The following BIN2 variants were observed in gnomAD, a reference collection of about 807,000 sequenced individuals.
The protein encoded by BIN2 is bridging integrator 2.
A neutral mutation model predicts 67.9 loss-of-function variants in BIN2; 43 were observed. The ratio of observed to expected loss-of-function variants is 0.63; its 90% CI spans 0.50 to 0.82. The LOEUF (loss-of-function observed/expected upper bound fraction) is 0.82, where lower values mean the gene tolerates loss of function less well. Among genes scored for constraint, BIN2 ranks in the 40% least tolerant of loss-of-function variants. The probability of loss-of-function intolerance (pLI) is 0.00; values close to 1 mark genes in which losing one functional copy is unlikely to be tolerated. For synonymous variants in BIN2, 244 were observed against 246.8 expected (o/e 0.99, Z 0.11); for missense variants, 581 against 671.6 (o/e 0.87, Z 1.49).
At chr12:51,314,008 AG>A in intron 1 of BIN2, 105 bp from the exon 2 acceptor site, 1 of 518,640 alleles carries the variant, frequency 1.9e-6, no homozygotes. Context: ...TTACAACTCA[AG>A]GGCTGTACTT....
rs899567370 is a variant in BIN2 at position 51,295,763 on chromosome 12, A to T, written c.761+33T>A. On this transcript the variant is annotated intron_variant, in intron 9 of 12. Transcript: ENST00000615107. ...TGTTGAATACATTCACACACAGGACAAGCGAAGCAAAAAAGTCTTGGATGC... is the reference window on the plus strand; with the variant it reads ...TGTTGAATACATTCACACACAGGACTAGCGAAGCAAAAAAGTCTTGGATGC... 4 of 1,588,510 alleles carry T rather than the reference A, an allele frequency of 2.5e-6. No individual in the cohort carries two copies. In the African/African-American group the frequency reaches 5.4e-5, roughly 21 times the overall value.
upstream of BIN2, chr12:51,324,425 A>C: frequency 2.1e-6 from 3 of 1,434,066 alleles, no homozygotes; most frequent in Non-Finnish European, 2.8e-6. Flanking sequence ...CGCTCCGGAA[A>C]GCCAGTTCCC....
chr12:51,286,897 C>T (rs946336471), intron 11 of BIN2, among the ~76,000 whole-genome samples: 1 of 147,002 alleles, frequency 6.8e-6, no homozygotes, highest in Non-Finnish European at 1.5e-5. Context: ...GATCATGGCT[C>T]ACTGTACCCT....
At chr12:51,295,652 T>A (rs1945546757) in intron 9 of BIN2, 144 bp downstream of exon 9, 6 of 272,974 alleles carry the variant, frequency 2.2e-5, no homozygotes, top group African/African-American at 9.9e-5. Context: ...GCAAAATAAT[T>A]TATATAGGAG....
At chr12:51,323,918 C>T in intron 1 of BIN2, 104 bp downstream of exon 1, 1 of 1,440,608 alleles carries the variant, frequency 6.9e-7, no homozygotes, top group Non-Finnish European at 9.4e-7. Context: ...AGCCCAGACC[C>T]TTCGGGGCCC....
At chr12:51,297,024 C>A in intron 8 of BIN2, 65 bp downstream of exon 8, 2 of 1,435,542 alleles carry the variant, frequency 1.4e-6, no homozygotes, top group South Asian at 2.4e-5. Flanking sequence ...TCATGTAAGT[C>A]AAGGCTACCT....
chr12:51,284,621 C>T (rs1368598979), intron 12 of BIN2, 95 bp downstream of exon 12: 19 of 993,622 alleles, frequency 1.9e-5, no homozygotes, highest in South Asian at 5.3e-5. Flanking sequence ...GGTTCACTGC[C>T]GGATTCCCCT....
intron 9 of BIN2, among the ~76,000 whole-genome samples, chr12:51,292,914 A>G (rs1025808638): frequency 1.3e-5 from 2 of 152,152 alleles, no homozygotes; most frequent in East Asian, 3.8e-4. Context: ...CTGTAGTGCT[A>G]AGTGCAAAAA....
At chr12:51,309,961 C>G (rs972733338) in intron 2 of BIN2, among the ~76,000 whole-genome samples, 1 of 152,138 alleles carries the variant, frequency 6.6e-6, no homozygotes, top group East Asian at 1.9e-4. Context: ...GGAAATAGAA[C>G]AGTAAGAAGA....
At chr12:51,307,551 A>G (rs1945901449) in intron 2 of BIN2, among the ~76,000 whole-genome samples, 1 of 151,552 alleles carries the variant, frequency 6.6e-6, no homozygotes, top group South Asian at 2.1e-4. Flanking sequence ...TCTACTAAAA[A>G]TACAAAAATT....
chr12:51,292,391 C>A, intron 9 of BIN2, 47 bp from the exon 10 acceptor site: 5 of 1,501,278 alleles, frequency 3.3e-6, no homozygotes, highest in Non-Finnish European at 3.5e-6. Flanking sequence ...AAACCAGAAG[C>A]AATGTAAATA....
intron 12 of BIN2, among the ~76,000 whole-genome samples, chr12:51,282,970 C>T (rs1945148783): frequency 1.3e-5 from 2 of 151,406 alleles, no homozygotes; most frequent in African/African-American, 4.9e-5. Context: ...GCTAATTGGC[C>T]AGGTGCGTTG....
chr12:51,318,682 G>T (rs1160837802), intron 1 of BIN2, among the ~76,000 whole-genome samples: 1 of 152,144 alleles, frequency 6.6e-6, no homozygotes, highest in Non-Finnish European at 1.5e-5. Flanking sequence ...CTTACTGACT[G>T]TAAGTCTTCA....
chr12:51,324,206 C>T (rs1281171999), upstream of BIN2: 1 of 1,504,778 alleles, frequency 6.6e-7, no homozygotes, highest in Non-Finnish European at 8.8e-7. Context: ...CATCCGGCCC[C>T]AGCCCTGAGC....
At chr12:51,301,717 C>T (rs1945729358) in intron 5 of BIN2, among the ~76,000 whole-genome samples, 1 of 151,816 alleles carries the variant, frequency 6.6e-6, no homozygotes, top group Non-Finnish European at 1.5e-5. Flanking sequence ...GCCATGTTGC[C>T]CAGGCTGGTC....
intron 9 of BIN2, 145 bp downstream of exon 9, chr12:51,295,651 T>G (rs1945546536): frequency 2.5e-5 from 7 of 274,672 alleles, no homozygotes; most frequent in Admixed American, 4.8e-5. Context: ...AGCAAAATAA[T>G]TTATATAGGA....
intron 2 of BIN2, among the ~76,000 whole-genome samples, chr12:51,307,282 CAAAA>C (rs11348350): frequency 9.8e-6 from 1 of 101,570 alleles, no homozygotes. Context: ...GACTCTGACT[CAAAA>C]AAAAAAAAAA....
intron 9 of BIN2, among the ~76,000 whole-genome samples, 169 bp downstream of exon 9, chr12:51,295,627 T>A (rs185304593): frequency 0.2 from 21,663 of 108,806 alleles, 4,779 homozygotes; most frequent in East Asian, 0.53. Context: ...TATATATATA[T>A]ATATTTAGTA....
At chr12:51,288,081 C>G in intron 11 of BIN2, 27 bp downstream of exon 11, 1 of 1,509,342 alleles carries the variant, frequency 6.6e-7, no homozygotes, top group Non-Finnish European at 9.2e-7. Context: ...AGGGCATCAT[C>G]ATGTAGATGA....
Sources: allele counts gnomAD v4.1 joint callset (sites outside exome capture counted in the v4.1 genomes callset), GRCh38; gene constraint gnomAD v4.1.1; transcripts MANE v1.5; gene names NCBI Gene and HGNC (gene_info 2026-07-23, HGNC 2026-07-21).